The following XXYLT1 variants were observed in gnomAD, a reference collection of about 807,000 sequenced individuals.
XXYLT1 encodes xyloside xylosyltransferase 1.
Under a neutral mutation model 28.9 loss-of-function variants are expected in XXYLT1, and 20 were observed. The ratio of observed to expected loss-of-function variants is 0.69; its 90% CI spans 0.49 to 1.00. The LOEUF (loss-of-function observed/expected upper bound fraction) is 1.00, where lower values mean the gene tolerates loss of function less well. Among genes scored for constraint, XXYLT1 ranks in the 50% least tolerant of loss-of-function variants. The probability of loss-of-function intolerance (pLI) is 0.00; values close to 1 mark genes in which losing one functional copy is unlikely to be tolerated. For missense variants in XXYLT1, 542 were observed against 560.1 expected, an observed-to-expected ratio of 0.97 and a Z score of 0.33; for synonymous variants, 257 against 253.8, an observed-to-expected ratio of 1.01 and a Z score of -0.12.
intron 2 of XXYLT1, among the ~76,000 whole-genome samples, chr3:195,193,215 G>C (rs1026758917): frequency 2.6e-5 from 4 of 151,718 alleles, no homozygotes; most frequent in Admixed American, 6.6e-5. Context: ...TTGAACCCGG[G>C]AGGTGGAGGA....
At chr3:195,199,368 T>C (rs1335657003) in intron 2 of XXYLT1, among the ~76,000 whole-genome samples, 1 of 152,112 alleles carries the variant, frequency 6.6e-6, no homozygotes, top group Admixed American at 6.5e-5. Context: ...TCCCAGCACT[T>C]TGGGAGAGTG....
At chr3:195,269,994 A>G (rs2108863670) in intron 1 of XXYLT1, 1 of 173,056 alleles carries the variant, frequency 5.8e-6, no homozygotes, top group Non-Finnish European at 1.3e-5. Context: ...AGGCTTCTCT[A>G]AATGGGTTCA....
At chr3:195,100,418 C>T (rs564820680) in intron 3 of XXYLT1, among the ~76,000 whole-genome samples, 1 of 152,348 alleles carries the variant, frequency 6.6e-6, no homozygotes, top group South Asian at 2.1e-4. Context: ...TTAGCACACA[C>T]ATCACAGCGC....
Position 195,195,059 on chromosome 3 carries a change from T to C in XXYLT1, c.652+31650A>G, listed in dbSNP as rs1365143675. On this transcript the variant is annotated intron_variant, in intron 2 of 3. Transcript: ENST00000310380. The surrounding 1 kb of genome is among the most constrained non-coding windows in gnomAD (Gnocchi z 4.4). ...AATGGATGAATGTGATGGTATAAAC[T>C]GTACCTCAACAAAGCTGGGTTTTTT... 6.6e-6 allele frequency among the ~76,000 whole-genome samples: 1 copy of C among 151,650 alleles called. No individual in the cohort carries two copies. Among genetic ancestry groups the C allele is most frequent in the Non-Finnish European group, 1.5e-5 (1 of 68,018 alleles).
Position 195,156,515 on chromosome 3 carries a change from TCAAA to T in XXYLT1, c.715_718del (p.Phe239ArgfsTer14). ...GCCTGGCAGGAAACTGTCAAATTCC[TCAAA>T]CAACTCCCGGATGTTGGTCTTAAAC... On this transcript the variant is annotated frameshift_variant, in exon 3 of 4. Coordinates refer to ENST00000310380, the MANE Select transcript of XXYLT1 (RefSeq NM_152531.5). LOFTEE classifies it high-confidence loss of function. 1.9e-6 allele frequency: 3 copies of T among 1,614,192 alleles called. No individual in the cohort carries two copies. Among genetic ancestry groups the T allele is most frequent in the Non-Finnish European group, 2.5e-6 (3 of 1,180,028 alleles).
chr3:195,113,742 C>T (rs1560103463), intron 3 of XXYLT1, among the ~76,000 whole-genome samples: 1 of 152,228 alleles, frequency 6.6e-6, no homozygotes. Flanking sequence ...ACCCACAGGA[C>T]CAGGCAAAGA....
At chr3:195,084,517 A>G (rs1396136927) in intron 3 of XXYLT1, among the ~76,000 whole-genome samples, 5 of 152,206 alleles carry the variant, frequency 3.3e-5, no homozygotes, top group Admixed American at 1.3e-4. Flanking sequence ...AGCCTTTCCC[A>G]CCAGCGAGAT....
intron 2 of XXYLT1, among the ~76,000 whole-genome samples, chr3:195,169,959 A>C (rs1200010641): frequency 6.7e-6 from 1 of 150,074 alleles, no homozygotes; most frequent in Non-Finnish European, 1.5e-5. Context: ...TCTGCCTCCC[A>C]GGTTCAAGCG....
intron 2 of XXYLT1, among the ~76,000 whole-genome samples, chr3:195,166,787 T>G (rs1056076071): frequency 1.3e-5 from 2 of 152,168 alleles, no homozygotes; most frequent in Non-Finnish European, 2.9e-5. Flanking sequence ...GTTCAAGTGA[T>G]TCTCCTGCCT....
rs891831554 is a variant in XXYLT1, at chr3:195,259,712, C to A, written c.504+10843G>T. Reference sequence around the variant, plus strand: ...GCCAGGGACAGACCCAGCACCAGGGCGGCCCCCGGAGCCGGCCTCTGGCGG... The same window carrying A: ...GCCAGGGACAGACCCAGCACCAGGGAGGCCCCCGGAGCCGGCCTCTGGCGG... On this transcript the variant is annotated intron_variant, in intron 1 of 3. Coordinates refer to ENST00000310380, the MANE Select transcript of XXYLT1 (RefSeq NM_152531.5). The A allele has an allele frequency of 4.8e-5, 47 of 979,772 alleles. No individual in the cohort carries two copies. In the African/African-American group the frequency reaches 7.5e-4, roughly 16 times the overall value. The allele number at this position is 979,772 out of a possible 1,614,324, so 60.7% of individuals were successfully genotyped here. A position where few individuals can be genotyped will look rare whatever the true frequency, so the allele number is the denominator to read the frequency against.
intron 1 of XXYLT1, among the ~76,000 whole-genome samples, chr3:195,259,150 G>T (rs1725586402): frequency 6.6e-6 from 1 of 152,268 alleles, no homozygotes; most frequent in Non-Finnish European, 1.5e-5. Flanking sequence ...CAGGGCCGCA[G>T]GGGCCAGCCT....
At chr3:195,186,052 A>G (rs913146972) in intron 2 of XXYLT1, among the ~76,000 whole-genome samples, 1 of 152,144 alleles carries the variant, frequency 6.6e-6, no homozygotes, top group Middle Eastern at 3.2e-3. Flanking sequence ...CTGTGCTCCT[A>G]AGTGCCTGGA....
At chr3:195,108,404 G>GT (rs1717266491) in intron 3 of XXYLT1, among the ~76,000 whole-genome samples, 1 of 152,170 alleles carries the variant, frequency 6.6e-6, no homozygotes, top group Admixed American at 6.5e-5. Context: ...CATCTTCCTA[G>GT]TTTTTTAGAA....
chr3:195,194,049 T>C (rs1266959767), intron 2 of XXYLT1, among the ~76,000 whole-genome samples: 3 of 151,900 alleles, frequency 2.0e-5, no homozygotes, highest in Non-Finnish European at 4.4e-5. Context: ...AATAAAAAAA[T>C]TGATAAACTG....
At chr3:195,138,335 T>C (rs1719302912) in intron 3 of XXYLT1, among the ~76,000 whole-genome samples, 1 of 152,150 alleles carries the variant, frequency 6.6e-6, no homozygotes, top group Admixed American at 6.5e-5. Context: ...CTAGACTGGA[T>C]TTGTGAGACT....
At chr3:195,186,282 C>G (rs574387142) in intron 2 of XXYLT1, among the ~76,000 whole-genome samples, 1 of 152,172 alleles carries the variant, frequency 6.6e-6, no homozygotes, top group Non-Finnish European at 1.5e-5. Context: ...CACAGAAGAA[C>G]GCATGCAAAA....
intron 3 of XXYLT1, among the ~76,000 whole-genome samples, chr3:195,086,829 G>C (rs1715756447): frequency 6.6e-6 from 1 of 152,094 alleles, no homozygotes; most frequent in Non-Finnish European, 1.5e-5. Context: ...TGTAGGTGAT[G>C]AAGGGGGACA....
chr3:195,270,771 C>A lies in XXYLT1; in HGVS notation c.288G>T (p.Pro96=), dbSNP rs1488158979. 3 of 1,574,860 alleles carry A rather than the reference C, an allele frequency of 1.9e-6. No individual in the cohort carries two copies. In the African/African-American group the frequency reaches 4.2e-5, roughly 22 times the overall value. ...AKSLEGGGAG[P]VDYHLLMMFT... is the part of the protein sequence containing the mutation. ...ACATCATCAGCAGGTGGTAGTCCAC[C>A]GGCCCGGCACCGCCGCCCTCCAAGC... Residue 96 remains proline, a synonymous_variant, in exon 1 of 4, where the codon CCG becomes CCT. Coordinates refer to ENST00000310380, the MANE Select transcript of XXYLT1 (RefSeq NM_152531.5).
At chr3:195,088,635 G>C (rs1199972521) in intron 3 of XXYLT1, among the ~76,000 whole-genome samples, 2 of 134,498 alleles carry the variant, frequency 1.5e-5, no homozygotes, top group Non-Finnish European at 3.2e-5. Context: ...TCCTCCAAAG[G>C]AACGCAGTTC....
Sources: gnomAD v4.1 joint callset for allele counts (sites outside exome capture counted in the v4.1 genomes callset) on GRCh38, gnomAD v4.1.1 for gene constraint, Gnocchi (gnomAD v3.1) non-coding constraint, MANE v1.5 for transcripts, NCBI Gene and HGNC (gene_info 2026-07-23, HGNC 2026-07-21) for gene names.